CTNNA3: variants seen among roughly 807,000 people sequenced by gnomAD.
CTNNA3 encodes the protein catenin alpha-3.
Under a neutral mutation model 95.7 loss-of-function variants are expected in CTNNA3, and 76 were observed. The ratio of observed to expected loss-of-function variants is 0.79; its 90% CI spans 0.66 to 0.96. The LOEUF is 0.96. CTNNA3 is among the 40% of genes least tolerant of loss of function. The pLI is 0.00. For missense variants in CTNNA3, 1,191 were observed against 1,089.8 expected (o/e 1.09, Z -1.31); for synonymous variants, 431 against 374.4 (o/e 1.15, Z -1.74).
At chr10:67,544,137 A>G (rs2133212263) in intron 3 of CTNNA3, among the ~76,000 whole-genome samples, 1 of 152,152 alleles carries the variant, frequency 6.6e-6, no homozygotes, top group East Asian at 1.9e-4. Flanking sequence ...TATGGTTGCT[A>G]TTGTAAACTA....
intron 12 of CTNNA3, among the ~76,000 whole-genome samples, chr10:66,344,665 T>C (rs1424047082): frequency 6.6e-6 from 1 of 152,142 alleles, no homozygotes; most frequent in Non-Finnish European, 1.5e-5. Context: ...ACCACTACCC[T>C]TATGATCTAA....
chr10:66,188,339 T>C (rs2086446580), intron 13 of CTNNA3, among the ~76,000 whole-genome samples: 1 of 152,112 alleles, frequency 6.6e-6, no homozygotes, highest in African/African-American at 2.4e-5. Context: ...TCCTGCATCA[T>C]TGCAATTTTG....
At chr10:66,450,678 T>A (rs2093457727) in intron 11 of CTNNA3, among the ~76,000 whole-genome samples, 1 of 152,066 alleles carries the variant, frequency 6.6e-6, no homozygotes, top group African/African-American at 2.4e-5. Context: ...GAACTAGCAA[T>A]AGAAGAAAAT....
chr10:67,240,226 G>A (rs1327268881), intron 5 of CTNNA3, among the ~76,000 whole-genome samples: 1 of 152,174 alleles, frequency 6.6e-6, no homozygotes, highest in Non-Finnish European at 1.5e-5. Context: ...AAAAGCCCAT[G>A]TATACTTTGC....
chr10:67,179,604 G>A (rs1346921238), intron 7 of CTNNA3, among the ~76,000 whole-genome samples: 1 of 152,026 alleles, frequency 6.6e-6, no homozygotes, highest in Non-Finnish European at 1.5e-5. Flanking sequence ...CAAGGTGGGA[G>A]GGTCACTTGA....
intron 5 of CTNNA3, among the ~76,000 whole-genome samples, chr10:67,435,426 C>T (rs1341979642): frequency 6.6e-6 from 1 of 151,898 alleles, no homozygotes; most frequent in Non-Finnish European, 1.5e-5. Flanking sequence ...AGGGAATAGG[C>T]CCACTCTCAC....
At chr10:67,556,605 C>T (rs1268892621) in intron 3 of CTNNA3, among the ~76,000 whole-genome samples, 2 of 152,094 alleles carry the variant, frequency 1.3e-5, no homozygotes, top group Non-Finnish European at 2.9e-5. Context: ...TTGATATCCC[C>T]TTTATCATTT....
intron 11 of CTNNA3, among the ~76,000 whole-genome samples, chr10:66,394,934 C>T (rs2394208): frequency 0.2 from 31,070 of 151,866 alleles, 3,972 homozygotes; most frequent in African/African-American, 0.37. Flanking sequence ...TGCAAATGCA[C>T]AGATAGAATG....
At chr10:66,907,526 T>C (rs1490336770) in intron 7 of CTNNA3, among the ~76,000 whole-genome samples, 1 of 152,164 alleles carries the variant, frequency 6.6e-6, no homozygotes, top group African/African-American at 2.4e-5. Flanking sequence ...CCTGAAATCC[T>C]TATTTTGAGA....
intron 10 of CTNNA3, among the ~76,000 whole-genome samples, chr10:66,532,782 G>A (rs1841515630): frequency 6.6e-6 from 1 of 152,054 alleles, no homozygotes; most frequent in African/African-American, 2.4e-5. Flanking sequence ...GAGTTGCAAG[G>A]GCATGTTAAG....
At chr10:66,076,454 A>T (rs1390487262) in intron 14 of CTNNA3, among the ~76,000 whole-genome samples, 2 of 151,696 alleles carry the variant, frequency 1.3e-5, no homozygotes, top group East Asian at 3.9e-4. Context: ...TTTTAAAATT[A>T]ACATTTAGGA....
At chr10:66,901,506 G>A (rs1383052919) in intron 7 of CTNNA3, among the ~76,000 whole-genome samples, 1 of 152,148 alleles carries the variant, frequency 6.6e-6, no homozygotes, top group Non-Finnish European at 1.5e-5. Flanking sequence ...ATAATGACAG[G>A]ATCAAATTCA....
intron 11 of CTNNA3, among the ~76,000 whole-genome samples, chr10:66,454,421 A>G (rs984295277): frequency 3.9e-5 from 6 of 152,208 alleles, no homozygotes; most frequent in Non-Finnish European, 7.3e-5. Context: ...CCATAGCATC[A>G]TAGGCATTAA....
chr10:67,541,450 A>G (rs1020597392), intron 3 of CTNNA3, among the ~76,000 whole-genome samples: 7 of 152,014 alleles, frequency 4.6e-5, no homozygotes, highest in African/African-American at 1.2e-4. Flanking sequence ...ACATGTTAGT[A>G]TGTCTCATTT....
intron 12 of CTNNA3, among the ~76,000 whole-genome samples, chr10:66,354,458 T>G (rs2092593555): frequency 1.3e-5 from 2 of 152,020 alleles, no homozygotes; most frequent in Admixed American, 1.3e-4. Context: ...ATATCAAAAA[T>G]GTGTCCAAAA....
At chr10:66,808,080 C>T (rs1365395651) in intron 7 of CTNNA3, among the ~76,000 whole-genome samples, 7 of 152,032 alleles carry the variant, frequency 4.6e-5, no homozygotes, top group Admixed American at 2.6e-4. Flanking sequence ...TGAAATGAAG[C>T]GCTTAAACTG....
intron 10 of CTNNA3, among the ~76,000 whole-genome samples, chr10:66,608,665 A>T (rs1276470644): frequency 6.6e-6 from 1 of 152,108 alleles, no homozygotes; most frequent in African/African-American, 2.4e-5. Flanking sequence ...TCAAAAAAAA[A>T]CTGACAAAAA....
chr10:67,007,144 C>A (rs534989055), intron 7 of CTNNA3, among the ~76,000 whole-genome samples: 1 of 152,104 alleles, frequency 6.6e-6, no homozygotes, highest in Non-Finnish European at 1.5e-5. Flanking sequence ...ACTGTAGGTT[C>A]AAGAGCATTG....
chr10:65,930,270 A>C, intron 17 of CTNNA3, among the ~76,000 whole-genome samples: 1 of 152,124 alleles, frequency 6.6e-6, no homozygotes, highest in East Asian at 1.9e-4. Flanking sequence ...TTAACACAAG[A>C]AATTAATTAT....
Sources: allele counts gnomAD v4.1 joint callset (sites outside exome capture counted in the v4.1 genomes callset), GRCh38; gene constraint gnomAD v4.1.1; transcripts MANE v1.5; gene names NCBI Gene and HGNC (gene_info 2026-07-23, HGNC 2026-07-21).